KCND3: variants seen among roughly 807,000 people sequenced by gnomAD.
The protein encoded by KCND3 is potassium voltage-gated channel subfamily D member 3, also known as A-type voltage-gated potassium channel KCND3.
Under a neutral mutation model 51.1 loss-of-function variants are expected in KCND3, and 9 were observed. That is an observed-to-expected ratio of 0.18 (90% confidence interval 0.11 to 0.31). The LOEUF (loss-of-function observed/expected upper bound fraction) is 0.31, where lower values mean the gene tolerates loss of function less well. Ranked by LOEUF, KCND3 falls within the 10% of genes least tolerant of loss-of-function variation. The pLI is 1.00. For missense variants in KCND3, 526 were observed against 903.8 expected (o/e 0.58, Z 5.36); for synonymous variants, 349 against 368.0 (o/e 0.95, Z 0.59).
At chr1:111,801,796 A>G (rs1192262124) in intron 2 of KCND3, among the ~76,000 whole-genome samples, 1 of 152,062 alleles carries the variant, frequency 6.6e-6, no homozygotes, top group African/African-American at 2.4e-5. Context: ...TTTTTCACCC[A>G]TCCTCATCCT....
intron 2 of KCND3, among the ~76,000 whole-genome samples, chr1:111,799,478 C>T (rs1230742719): frequency 6.6e-6 from 1 of 152,250 alleles, no homozygotes; most frequent in East Asian, 1.9e-4. Flanking sequence ...TGCCTTAAAC[C>T]AACTGGTTAT....
intron 2 of KCND3, among the ~76,000 whole-genome samples, chr1:111,954,021 TG>T (rs923234514): frequency 1.3e-4 from 19 of 151,586 alleles, no homozygotes; most frequent in Non-Finnish European, 2.8e-4. Context: ...GGATGGGGGG[TG>T]GGGGGAAGTG....
intron 2 of KCND3, among the ~76,000 whole-genome samples, chr1:111,864,575 A>G (rs951801684): frequency 6.6e-6 from 1 of 152,198 alleles, no homozygotes; most frequent in African/African-American, 2.4e-5. Flanking sequence ...GCTTTCTTTC[A>G]TGTAGCTTGA....
rs563861870 is a variant in KCND3, at chr1:111,895,409, A to G, written c.1106+86212T>C. Among the ~76,000 whole-genome samples, 14 of 152,330 alleles carry G rather than the reference A, an allele frequency of 9.2e-5. No individual in the cohort carries two copies. The South Asian group carries it at 2.7e-3, about 29-fold the overall frequency. ...CAAATGGGGAGGTGGGGGAAGGGGT[A>G]ATAAAAATTAAATTAAAGAAATTTT... On this transcript the variant is annotated intron_variant, in intron 2 of 7. Transcript: ENST00000302127.
intron 2 of KCND3, among the ~76,000 whole-genome samples, chr1:111,832,160 A>G (rs1428114929): frequency 6.6e-6 from 1 of 152,206 alleles, no homozygotes; most frequent in Non-Finnish European, 1.5e-5. Context: ...CTGTACATTC[A>G]CCCACATTGG....
intron 2 of KCND3, among the ~76,000 whole-genome samples, chr1:111,969,977 C>CT (rs1190370306): frequency 3.3e-5 from 5 of 152,068 alleles, no homozygotes; most frequent in African/African-American, 1.2e-4. Context: ...AGCTTTCTCT[C>CT]TTTTTTTCAT....
intron 2 of KCND3, among the ~76,000 whole-genome samples, chr1:111,814,206 C>G (rs1349303644): frequency 1.3e-5 from 2 of 151,742 alleles, no homozygotes; most frequent in East Asian, 3.9e-4. Flanking sequence ...GACACCGGGT[C>G]CAGAAAGGTG....
rs1245864814 is a variant in KCND3, at chr1:111,780,293, T to C, written c.1393A>G (p.Met465Val). 11 of 1,577,490 alleles carry C rather than the reference T, an allele frequency of 7.0e-6. No individual in the cohort carries two copies. Among genetic ancestry groups the C allele is most frequent in the Non-Finnish European group, 9.5e-6 (11 of 1,160,250 alleles). ...TCGATGAGTGAGGTGGTCTTGCCCA[T>C]GTGCTCCTCTTCTGGGGTGCCCTAG... ...ELTGTPEEEH[M>V]GKTTSLIESQ... The change falls in exon 5 of 8, where the codon ATG becomes GTG. Residue 465 changes from methionine to valine, a missense_variant. By Grantham distance (21) the Met-to-Val change is conservative. Around this residue, in one of 5 missense-constraint regions of KCND3, gnomAD observed 266 missense variants for 305.5 expected, o/e 0.87. Transcript: ENST00000302127. This position sits in a 1 kb window ranked among gnomAD's most constrained non-coding sequence, Gnocchi z 4.2.
intron 2 of KCND3, among the ~76,000 whole-genome samples, chr1:111,959,472 C>A (rs1412938826): frequency 1.3e-5 from 2 of 152,138 alleles, no homozygotes; most frequent in African/African-American, 2.4e-5. Context: ...CCACTTCCTA[C>A]CCTCATCAGG....
intron 2 of KCND3, among the ~76,000 whole-genome samples, chr1:111,858,766 A>G (rs2101684289): frequency 6.6e-6 from 1 of 152,152 alleles, no homozygotes; most frequent in East Asian, 1.9e-4. Flanking sequence ...GCCTTCCATG[A>G]TCTGACTCCC....
chr1:111,843,136 CT>C (rs1384454279), intron 2 of KCND3, among the ~76,000 whole-genome samples: 1 of 152,114 alleles, frequency 6.6e-6, no homozygotes, highest in African/African-American at 2.4e-5. Context: ...TCAAGTTGAG[CT>C]CAGAAAAATG....
In KCND3 at chr1:111,982,750, C is replaced by T. The variant is rs750194380; in HGVS notation, c.-24G>A. 14 of 1,593,216 alleles carry T rather than the reference C, an allele frequency of 8.8e-6. No homozygotes were observed. In the Admixed American group the frequency reaches 2.2e-4, roughly 25 times the overall value. On this transcript the variant is annotated 5_prime_UTR_variant, in exon 2 of 8. Transcript: ENST00000302127. The surrounding 1 kb of genome is among the most constrained non-coding windows in gnomAD (Gnocchi z 8.5). ...ATGGTGACTCCAGCTCTTGGGCCGG[C>T]AGCCGCGCGGACGCTAGGCACACCA...
At chr1:111,885,295 G>T (rs780307065) in intron 2 of KCND3, among the ~76,000 whole-genome samples, 1 of 152,124 alleles carries the variant, frequency 6.6e-6, no homozygotes, top group Non-Finnish European at 1.5e-5. Flanking sequence ...CAAACCTCCA[G>T]CCTCTACTAA....
chr1:111,812,845 T>C (rs1665917638), intron 2 of KCND3, among the ~76,000 whole-genome samples: 1 of 152,166 alleles, frequency 6.6e-6, no homozygotes, highest in Non-Finnish European at 1.5e-5. Flanking sequence ...CTGCACACAC[T>C]ACTGCTGTCC....
chr1:111,806,146 G>C (rs1472956371), intron 2 of KCND3, among the ~76,000 whole-genome samples: 3 of 152,186 alleles, frequency 2.0e-5, no homozygotes, highest in African/African-American at 7.2e-5. Flanking sequence ...GTGTGCTGCA[G>C]CTCCAGGGGA....
At chr1:111,953,671 G>A (rs981901742) in intron 2 of KCND3, among the ~76,000 whole-genome samples, 4 of 152,190 alleles carry the variant, frequency 2.6e-5, no homozygotes, top group Non-Finnish European at 5.9e-5. Flanking sequence ...ATTATGTGGG[G>A]CAAAGTTCTC....
In KCND3 at chr1:111,814,393, G is replaced by A. The variant is rs138828214; in HGVS notation, c.1107-27287C>T. On this transcript the variant is annotated intron_variant, in intron 2 of 7. Transcript: ENST00000302127. ...TCTGTGAAAGCACTGTGGATTCTAC[G>A]CCGTGAGAAGAGGAAACAGCGTATA... Among the ~76,000 whole-genome samples, 1,151 of 152,338 alleles carry A rather than the reference G, an allele frequency of 7.6e-3. 8 individuals carry two copies. The highest frequency in any genetic ancestry group is 0.051 in the Middle Eastern group (15 of 294).
intron 2 of KCND3, among the ~76,000 whole-genome samples, chr1:111,858,600 C>G (rs955700408): frequency 3.3e-5 from 5 of 152,204 alleles, no homozygotes; most frequent in Admixed American, 3.3e-4. Flanking sequence ...GTCATGGGCC[C>G]CTAAAAGTGT....
chr1:111,783,693 T>G (rs894944229), intron 3 of KCND3, among the ~76,000 whole-genome samples: 3 of 152,252 alleles, frequency 2.0e-5, no homozygotes, highest in Non-Finnish European at 4.4e-5. Context: ...TTAAAACTTA[T>G]GCTCACATAA....
Sources: gnomAD v4.1 joint callset for allele counts (sites outside exome capture counted in the v4.1 genomes callset) on GRCh38, gnomAD v4.1.1 for gene constraint, gnomAD v4.1.1 regional missense constraint, Gnocchi (gnomAD v3.1) non-coding constraint, MANE v1.5 for transcripts, NCBI Gene and HGNC (gene_info 2026-07-23, HGNC 2026-07-21) for gene names.